ACSS3: variants seen among roughly 807,000 people sequenced by gnomAD.
The protein encoded by ACSS3 is acyl-CoA synthetase short-chain family member 3, mitochondrial.
A neutral mutation model predicts 84.2 loss-of-function variants in ACSS3; 64 were observed. The ratio of observed to expected loss-of-function variants is 0.76; its 90% CI spans 0.62 to 0.94. The LOEUF (loss-of-function observed/expected upper bound fraction) is 0.94, where lower values mean the gene tolerates loss of function less well. ACSS3 is among the 40% of genes least tolerant of loss of function. The probability of loss-of-function intolerance (pLI) is 0.00; values close to 1 mark genes in which losing one functional copy is unlikely to be tolerated. For synonymous variants in ACSS3, 317 were observed against 310.1 expected (o/e 1.02, Z -0.23); for missense variants, 815 against 867.6 (o/e 0.94, Z 0.76).
chr12:81,125,559 C>G (rs1365157098), intron 2 of ACSS3: 3 of 152,122 alleles, frequency 2.0e-5, no homozygotes, highest in Non-Finnish European at 4.4e-5. Context: ...TTCTTAAATG[C>G]TTCTTTTGCC....
In ACSS3 at chr12:81,132,982, A is replaced by G. The variant is rs137969152; in HGVS notation, c.457-1834A>G. Among the ~76,000 whole-genome samples, 584 of 152,198 alleles carry G rather than the reference A, an allele frequency of 3.8e-3. 7 individuals are homozygous for G. Among genetic ancestry groups the G allele is most frequent in the African/African-American group, 0.014 (569 of 41,522 alleles). On this transcript the variant is annotated intron_variant, in intron 2 of 15. Coordinates refer to ENST00000548058, the MANE Select transcript of ACSS3 (RefSeq NM_024560.4). ...TGTCTTGTTTTTTTGAGTTCCATAT[A>G]TAATTCAAGTTCATGATTTTTATTA...
At chr12:81,181,250 G>A (rs896265008) in intron 8 of ACSS3, among the ~76,000 whole-genome samples, 9 of 145,304 alleles carry the variant, frequency 6.2e-5, no homozygotes, top group African/African-American at 1.7e-4. Flanking sequence ...ATGCAGCCAG[G>A]TCACTAAGGC....
chr12:81,134,046 C>T (rs537282312), intron 2 of ACSS3, among the ~76,000 whole-genome samples: 2 of 148,636 alleles, frequency 1.3e-5, no homozygotes, highest in East Asian at 3.9e-4. Flanking sequence ...GGGGAAGAGA[C>T]ATTTATATGT....
chr12:81,132,335 A>G lies in ACSS3; in HGVS notation c.457-2481A>G, dbSNP rs1460518704. On this transcript the variant is annotated intron_variant, in intron 2 of 15. Coordinates refer to ENST00000548058, the MANE Select transcript of ACSS3 (RefSeq NM_024560.4). The stretch of plus-strand genomic sequence containing the variant: ...GTTGTTGGTGTTTTCAGGGACTCAA[A>G]TTCTTCCTGGTTTAGTCTTGGGAGG... Among the ~76,000 whole-genome samples the G allele has an allele frequency of 5.9e-5, 9 of 152,122 alleles. No homozygotes were observed. In the South Asian group the frequency reaches 1.7e-3, roughly 28 times the overall value.
rs536475247 is a variant in ACSS3, at chr12:81,081,663, T to C, written c.311+3232T>C. On this transcript the variant is annotated intron_variant, in intron 1 of 15. Transcript: ENST00000548058. The stretch of plus-strand genomic sequence containing the variant: ...ACTCTCTGGGCCATCAATTTATCTC[T>C]TTCTATGGAAGCATTGCAATCCAAT... Among the ~76,000 whole-genome samples, 580 of 152,346 alleles carry C rather than the reference T, an allele frequency of 3.8e-3. 5 individuals are homozygous for C. The highest frequency in any genetic ancestry group is 0.013 in the African/African-American group (550 of 41,578).
At chr12:81,117,593 A>C (rs1884154011) in intron 2 of ACSS3, among the ~76,000 whole-genome samples, 1 of 152,154 alleles carries the variant, frequency 6.6e-6, no homozygotes, top group Admixed American at 6.6e-5. Flanking sequence ...GAATGGTAGA[A>C]AGTGAGGTTA....
intron 2 of ACSS3, among the ~76,000 whole-genome samples, chr12:81,112,779 T>C (rs1177394670): frequency 1.3e-5 from 2 of 152,198 alleles, no homozygotes; most frequent in East Asian, 1.9e-4. Flanking sequence ...GTACATTACT[T>C]GTTTTACTCT....
At chr12:81,164,751 G>T (rs7966929) in intron 7 of ACSS3, among the ~76,000 whole-genome samples, 69,788 of 151,958 alleles carry the variant, frequency 0.46, 16,555 homozygotes, top group Non-Finnish European at 0.52. Flanking sequence ...CCTACATGGA[G>T]GTAGTTATCT....
At chr12:81,218,948 C>T (rs548661159) in intron 10 of ACSS3, among the ~76,000 whole-genome samples, 40 of 151,402 alleles carry the variant, frequency 2.6e-4, no homozygotes, top group Non-Finnish European at 4.6e-4. Context: ...TAAAAAAAAA[C>T]GCAGGATCCT....
At chr12:81,178,831 T>C (rs1032422044) in intron 8 of ACSS3, among the ~76,000 whole-genome samples, 1 of 152,082 alleles carries the variant, frequency 6.6e-6, no homozygotes. Context: ...AGAGCTCAAA[T>C]AGCCAAAGCA....
At chr12:81,229,334 ATCTC>A (rs987825173) in intron 11 of ACSS3, among the ~76,000 whole-genome samples, 23 of 151,866 alleles carry the variant, frequency 1.5e-4, no homozygotes, top group Non-Finnish European at 2.9e-4. Flanking sequence ...CACTAATGTT[ATCTC>A]TCTTTGTCCA....
chr12:81,127,248 GCTT>G (rs1274038676), intron 2 of ACSS3, among the ~76,000 whole-genome samples: 1 of 151,732 alleles, frequency 6.6e-6, no homozygotes, highest in Admixed American at 6.6e-5. Flanking sequence ...ATTTCTAGAA[GCTT>G]CTTATGTTAT....
At chr12:81,214,011 T>TTTCTTTC (rs1565724574) in intron 9 of ACSS3, among the ~76,000 whole-genome samples, 14 of 103,622 alleles carry the variant, frequency 1.4e-4, no homozygotes, top group African/African-American at 5.2e-4. Flanking sequence ...TTCTTTCATC[T>TTTCTTTC]GTCTGTCTGT....
intron 1 of ACSS3, among the ~76,000 whole-genome samples, chr12:81,078,679 G>A (rs1308943724): frequency 1.3e-5 from 2 of 152,162 alleles, no homozygotes; most frequent in African/African-American, 4.8e-5. Flanking sequence ...TGACTGGCAA[G>A]GTTCTGCTTT....
At chr12:81,116,986 A>G (rs1192750252) in intron 2 of ACSS3, among the ~76,000 whole-genome samples, 2 of 152,074 alleles carry the variant, frequency 1.3e-5, no homozygotes, top group African/African-American at 4.8e-5. Context: ...AAAATATTTA[A>G]CTTACTTTGC....
chr12:81,126,077 A>C (rs1348727208), intron 2 of ACSS3, among the ~76,000 whole-genome samples: 1 of 152,180 alleles, frequency 6.6e-6, no homozygotes, highest in Non-Finnish European at 1.5e-5. Context: ...CTCGATGGGC[A>C]TAACAAGACT....
At chr12:81,185,393 A>T (rs2031196889) in intron 8 of ACSS3, among the ~76,000 whole-genome samples, 1 of 151,700 alleles carries the variant, frequency 6.6e-6, no homozygotes. Context: ...ATTGAAAAAG[A>T]AGTAAAATTA....
At chr12:81,107,511 CATATATATATATATATAT>C (rs566270568) in intron 1 of ACSS3, among the ~76,000 whole-genome samples, 929 of 38,834 alleles carry the variant, frequency 0.024, 34 homozygotes, top group African/African-American at 0.056. Context: ...CAAATATATA[CATATATATATATATATAT>C]ATATATATAT....
intron 1 of ACSS3, among the ~76,000 whole-genome samples, chr12:81,081,216 T>C (rs1385441046): frequency 1.3e-5 from 2 of 152,242 alleles, no homozygotes; most frequent in Non-Finnish European, 2.9e-5. Flanking sequence ...TGCAATATTC[T>C]ATGCATGCAG....
Sources: allele counts gnomAD v4.1 joint callset (sites outside exome capture counted in the v4.1 genomes callset), GRCh38; gene constraint gnomAD v4.1.1; transcripts MANE v1.5; gene names NCBI Gene and HGNC (gene_info 2026-07-23, HGNC 2026-07-21).